CNTNAP3B: variants seen among roughly 807,000 people sequenced by gnomAD.
The protein encoded by CNTNAP3B is contactin-associated protein-like 3B.
CNTNAP3B carries 25 observed loss-of-function variants against 108.9 expected under a neutral mutation model. The ratio of observed to expected loss-of-function variants is 0.23; its 90% CI spans 0.17 to 0.32. The LOEUF is 0.32. CNTNAP3B is among the 10% of genes least tolerant of loss of function. The pLI is 1.00. For synonymous variants in CNTNAP3B, 103 were observed against 473.4 expected, an observed-to-expected ratio of 0.22 and a Z score of 10.16; for missense variants, 252 against 1,210.4, an observed-to-expected ratio of 0.21 and a Z score of 11.75.
rs576317959 is a variant in CNTNAP3B, at chr9:41,996,316, T to A, written c.960A>T (p.Arg320Ser). 7.7e-5 allele frequency: 119 copies of A among 1,541,858 alleles called. 24 individuals are homozygous for A. The African/African-American group carries it at 1.6e-3, about 20-fold the overall frequency. The change falls in exon 7 of 24, where the codon AGA becomes AGT. Residue 320 changes from arginine to serine, a missense_variant. Arg to Ser is a moderately radical substitution (Grantham distance 110, BLOSUM62 -1). Coordinates refer to ENST00000377561, the MANE Select transcript of CNTNAP3B (RefSeq NM_001201380.3). Reference protein sequence around the residue: ...ISFGGILSPGRSRAFTRKSFH... With the variant: ...ISFGGILSPGSSRAFTRKSFH... ...AGCTTTTACGTGTGAATGCCCGTGA[T>A]CTTCCGGGTGACAGAATTCCCCCAA...
chr9:41,964,172 TTGAC>T (rs1367533816), intron 11 of CNTNAP3B, among the ~76,000 whole-genome samples: 19 of 152,386 alleles, frequency 1.2e-4, no homozygotes, highest in African/African-American at 3.1e-4. Context: ...CCACCTTTCT[TTGAC>T]TGAGAAGATT....
intron 18 of CNTNAP3B, among the ~76,000 whole-genome samples, chr9:41,919,064 T>A (rs1329449333): frequency 6.6e-6 from 1 of 152,292 alleles, no homozygotes; most frequent in African/African-American, 2.4e-5. Context: ...AGAGGTTTCA[T>A]AAAAGTATTA....
chr9:42,112,087 C>G (rs1440791155), intron 1 of CNTNAP3B, among the ~76,000 whole-genome samples: 1 of 139,728 alleles, frequency 7.2e-6, no homozygotes, highest in Non-Finnish European at 1.5e-5. Flanking sequence ...ACACATTTCT[C>G]AGATGCGCTT....
chr9:41,928,289 C>T (rs1823874729), intron 15 of CNTNAP3B, among the ~76,000 whole-genome samples: 1 of 152,134 alleles, frequency 6.6e-6, no homozygotes, highest in Non-Finnish European at 1.5e-5. Flanking sequence ...CATTGGTTCC[C>T]CTTATCTCCA....
intron 10 of CNTNAP3B, among the ~76,000 whole-genome samples, chr9:41,966,982 CA>C (rs1277850446): frequency 1.1e-4 from 16 of 150,152 alleles, no homozygotes; most frequent in Admixed American, 9.3e-4. Context: ...AACAAACAAA[CA>C]AACACCTATC....
At chr9:41,925,044 A>G in intron 15 of CNTNAP3B, among the ~76,000 whole-genome samples, 1 of 152,002 alleles carries the variant, frequency 6.6e-6, no homozygotes, top group Non-Finnish European at 1.5e-5. Flanking sequence ...TGGTCCTGTT[A>G]GTTTCAACTG....
At position 42,045,342 on chromosome 9, in the gene CNTNAP3B, GCA is replaced by G. The variant is rs1826850279; in HGVS notation, c.390+31525_390+31526del. ...AACAATACAGTATCATTAACTATAGGCACAGTTTTGTACAGCAGATCGCTAGA... is the reference window on the plus strand; with the variant it reads ...AACAATACAGTATCATTAACTATAGGCAGTTTTGTACAGCAGATCGCTAGA... On this transcript the variant is annotated intron_variant, in intron 3 of 23. Transcript: ENST00000377561. Among the ~76,000 whole-genome samples, 3 of 123,664 alleles carry G rather than the reference GCA, an allele frequency of 2.4e-5. No homozygotes were observed. In the South Asian group the frequency reaches 8.0e-4, roughly 33 times the overall value. The allele number at this position is 123,664 out of a possible 152,430, so 81.1% of individuals were successfully genotyped here.
intron 1 of CNTNAP3B, among the ~76,000 whole-genome samples, chr9:42,123,585 G>T (rs1217658925): frequency 1.6e-5 from 2 of 127,480 alleles, no homozygotes; most frequent in Non-Finnish European, 3.3e-5. Flanking sequence ...GAACCGGCCA[G>T]AAAGTTGAAG....
intron 10 of CNTNAP3B, among the ~76,000 whole-genome samples, chr9:41,967,844 A>G (rs1478966671): frequency 2.0e-5 from 3 of 152,284 alleles, no homozygotes; most frequent in Non-Finnish European, 4.4e-5. Flanking sequence ...AAATAATTTA[A>G]AAGTGCTTTC....
intron 12 of CNTNAP3B, among the ~76,000 whole-genome samples, chr9:41,953,587 A>C (rs1469022234): frequency 6.6e-6 from 1 of 150,868 alleles, no homozygotes; most frequent in Non-Finnish European, 1.5e-5. Flanking sequence ...GGAAGAACTG[A>C]TGACCAAACT....
At position 42,094,076 on chromosome 9, in the gene CNTNAP3B, T is replaced by C. The variant is rs1827850170; in HGVS notation, c.196+10553A>G. Among the ~76,000 whole-genome samples, 3 of 136,796 alleles carry C rather than the reference T, an allele frequency of 2.2e-5. 1 individual carries two copies. Among genetic ancestry groups the C allele is most frequent in the African/African-American group, 8.7e-5 (3 of 34,348 alleles). The allele number at this position is 136,796 out of a possible 152,430, so 89.7% of individuals were successfully genotyped here. A position where few individuals can be genotyped will look rare whatever the true frequency, so the allele number is the denominator to read the frequency against. ...TAGTAAGGGGTAGAGCCTGGATGATTCCAAGCTTATCCCTAATCACTAAGG... is the reference window on the plus strand; with the variant it reads ...TAGTAAGGGGTAGAGCCTGGATGATCCCAAGCTTATCCCTAATCACTAAGG... On this transcript the variant is annotated intron_variant, in intron 2 of 23. Transcript: ENST00000377561.
intron 3 of CNTNAP3B, among the ~76,000 whole-genome samples, chr9:42,033,020 T>C (rs1317250507): frequency 6.8e-6 from 1 of 146,142 alleles, no homozygotes. Flanking sequence ...CTTCAACATA[T>C]ACATTTTGGA....
intron 1 of CNTNAP3B, among the ~76,000 whole-genome samples, chr9:42,128,326 C>T (rs1229077405): frequency 7.2e-6 from 1 of 138,478 alleles, no homozygotes; most frequent in Non-Finnish European, 1.5e-5. Flanking sequence ...AACAGGGAAC[C>T]CGATGGCAAA....
intron 3 of CNTNAP3B, among the ~76,000 whole-genome samples, chr9:42,018,249 CA>C (rs1826247145): frequency 7.9e-6 from 1 of 125,894 alleles, no homozygotes; most frequent in Non-Finnish European, 1.6e-5. Flanking sequence ...TATGTGTGAA[CA>C]AAAGAATTAT....
rs1352083938 is a variant in CNTNAP3B, at chr9:42,030,130, C to T, written c.391-16605G>A. On this transcript the variant is annotated intron_variant, in intron 3 of 23. Transcript: ENST00000377561. ...CTGCACTCCAGCCTGGGCGACAGAG[C>T]GAGACTCTGTCTCAAAAAAAAAAAG... 1.6e-4 allele frequency among the ~76,000 whole-genome samples: 13 copies of T among 83,596 alleles called. 1 individual carries two copies. The highest frequency in any genetic ancestry group is 3.9e-4 in the East Asian group (1 of 2,536). The allele number at this position is 83,596 out of a possible 152,430, so 54.8% of individuals were successfully genotyped here. A position where few individuals can be genotyped will look rare whatever the true frequency, so the allele number is the denominator to read the frequency against.
chr9:41,916,093 AC>A (rs1823510595), intron 18 of CNTNAP3B, among the ~76,000 whole-genome samples: 1 of 146,480 alleles, frequency 6.8e-6, no homozygotes, highest in African/African-American at 2.6e-5. Flanking sequence ...GAGAAAAGAA[AC>A]AAGATCAAAT....
At chr9:42,059,973 G>A (rs1452134276) in intron 3 of CNTNAP3B, among the ~76,000 whole-genome samples, 2 of 150,334 alleles carry the variant, frequency 1.3e-5, no homozygotes, top group South Asian at 2.1e-4. Context: ...CTGCAAAGAG[G>A]GACAATTTAA....
chr9:41,931,592 C>T (rs1378504322), intron 14 of CNTNAP3B, among the ~76,000 whole-genome samples: 1 of 151,090 alleles, frequency 6.6e-6, no homozygotes, highest in African/African-American at 2.4e-5. Flanking sequence ...AGACTAAAAC[C>T]CTGTTGCTTT....
intron 10 of CNTNAP3B, among the ~76,000 whole-genome samples, chr9:41,969,060 T>A (rs1349232437): frequency 2.0e-5 from 3 of 152,296 alleles, no homozygotes; most frequent in Admixed American, 6.5e-5. Flanking sequence ...CCTCCCAAAG[T>A]GCTGGGATTA....
Sources: gnomAD v4.1 joint callset for allele counts (sites outside exome capture counted in the v4.1 genomes callset) on GRCh38, gnomAD v4.1.1 for gene constraint, MANE v1.5 for transcripts, NCBI Gene and HGNC (gene_info 2026-07-23, HGNC 2026-07-21) for gene names.